MIGA2: variants seen among roughly 807,000 people sequenced by gnomAD.
MIGA2 encodes the protein mitoguardin 2.
In MIGA2, 36 loss-of-function variants were observed where a neutral mutation model predicts 69.9. The ratio of observed to expected loss-of-function variants is 0.52; its 90% CI spans 0.39 to 0.68. MIGA2 has a LOEUF of 0.68. Ranked by LOEUF, MIGA2 falls within the 30% of genes least tolerant of loss-of-function variation. The pLI, the probability that MIGA2 is intolerant of heterozygous loss-of-function variation, is 0.00. For missense variants in MIGA2, 660 were observed against 787.7 expected (o/e 0.84, Z 1.94); for synonymous variants, 333 against 349.2 (o/e 0.95, Z 0.52).
chr9:129,041,678 T>C (rs1329312660), intron 2 of MIGA2, among the ~76,000 whole-genome samples: 4 of 152,000 alleles, frequency 2.6e-5, no homozygotes, highest in African/African-American at 9.7e-5. Context: ...GTAAAAGGGG[T>C]CAGTGCCCTC....
chr9:129,047,357 G>C lies in MIGA2; in HGVS notation c.308-1070G>C, dbSNP rs370912669. ...GCCTCCCAAAGTGCTGGGATTACAG[G>C]TGTGAGCCACTGTGCCCGGCCCTGT... is the stretch of plus-strand genomic sequence containing the variant. On this transcript the variant is annotated intron_variant, in intron 3 of 15. Coordinates refer to ENST00000684074, the MANE Select transcript of MIGA2 (RefSeq NM_001329990.2). 3.3e-5 allele frequency: 5 copies of C among 150,144 alleles called. No individual in the cohort carries two copies. The East Asian group carries it at 9.9e-4, about 30-fold the overall frequency. The allele number at this position is 150,144 out of a possible 1,614,324, so 9.3% of individuals were successfully genotyped here.
rs1171413972 is a variant in MIGA2, at chr9:129,042,318, G to C, written c.111G>C (p.Gln37His). Residue 37 changes from glutamine to histidine, a missense_variant, in exon 3 of 16, where the codon CAG becomes CAC. By Grantham distance (24) the Gln-to-His change is conservative. Around this residue, in one of 3 missense-constraint regions of MIGA2, gnomAD observed 54 missense variants for 84.0 expected, o/e 0.64. Transcript: ENST00000684074. Reference sequence around the variant, plus strand: ...CTTCCCTGCAGTCTGCATTCTCCCAGCTACGGTTGACGCCAGGCCTGCGGA... The same window carrying C: ...CTTCCCTGCAGTCTGCATTCTCCCACCTACGGTTGACGCCAGGCCTGCGGA... ...YTTFGQSAFSQLRLTPGLRKV... is the reference protein window; with the variant it reads ...YTTFGQSAFSHLRLTPGLRKV... 1 of 1,612,350 alleles carries C rather than the reference G, an allele frequency of 6.2e-7. No individual in the cohort carries two copies.
In MIGA2 at chr9:129,042,483, C is replaced by A; in HGVS notation, c.276C>A (p.Leu92=). The A allele has an allele frequency of 1.3e-6, 2 of 1,592,640 alleles. No homozygotes were observed. The highest frequency in any genetic ancestry group is 1.1e-5 in the South Asian group (1 of 88,518). ...EQLGTVPLPI[L]LARKVPSVKK... ...TGGGCACGGTGCCCCTCCCTATCCT[C>A]TTGGCCAGGAAGGTCCCTTCAGTGA... The change falls in exon 3 of 16, where the codon CTC becomes CTA. Residue 92 remains leucine, a synonymous_variant. Transcript: ENST00000684074.
intron 11 of MIGA2, among the ~76,000 whole-genome samples, chr9:129,064,125 C>G (rs1846210785): frequency 6.6e-6 from 1 of 152,236 alleles, no homozygotes; most frequent in Non-Finnish European, 1.5e-5. Context: ...GCCTTCACAA[C>G]TTACATCACT....
intron 6 of MIGA2, among the ~76,000 whole-genome samples, chr9:129,053,425 G>A (rs150273881): frequency 0.035 from 5,312 of 151,142 alleles, 190 homozygotes; most frequent in South Asian, 0.098. Context: ...GTGCAGTGGC[G>A]CAATCTTGGC....
chr9:129,056,460 A>G (rs929545694), intron 6 of MIGA2, among the ~76,000 whole-genome samples: 1 of 152,122 alleles, frequency 6.6e-6, no homozygotes, highest in Non-Finnish European at 1.5e-5. Context: ...ACGTCACAGA[A>G]GACTGGCCCA....
chr9:129,056,569 A>T (rs1179485484), intron 6 of MIGA2, among the ~76,000 whole-genome samples: 1 of 151,682 alleles, frequency 6.6e-6, no homozygotes, highest in Non-Finnish European at 1.5e-5. Flanking sequence ...CCCAGGCTGA[A>T]GTGCAGTGGC....
chr9:129,036,834 G>A, intron 1 of MIGA2, 153 bp downstream of exon 1: 2 of 582,958 alleles, frequency 3.4e-6, no homozygotes, highest in Non-Finnish European at 2.2e-6. Context: ...GCCGGGGACG[G>A]TGCGAGAGGG....
At chr9:129,048,730 G>A (rs1845365693) in intron 4 of MIGA2, among the ~76,000 whole-genome samples, 191 bp downstream of exon 4, 1 of 152,210 alleles carries the variant, frequency 6.6e-6, no homozygotes, top group African/African-American at 2.4e-5. Context: ...AGAAAGGTGG[G>A]CTGGTGCAGA....
chr9:129,051,887 G>A (rs1845564853), intron 6 of MIGA2, among the ~76,000 whole-genome samples: 3 of 151,514 alleles, frequency 2.0e-5, no homozygotes. Context: ...GTCCAGTGGT[G>A]CGATCTCGAC....
At chr9:129,042,271 G>C in intron 2 of MIGA2, 33 bp from the exon 3 acceptor site, 1 of 1,606,464 alleles carries the variant, frequency 6.2e-7, no homozygotes, top group East Asian at 2.2e-5. Flanking sequence ...TCCCCAGGGA[G>C]GTGTAACCGG....
intron 6 of MIGA2, among the ~76,000 whole-genome samples, chr9:129,057,356 C>T (rs554471866): frequency 2.7e-5 from 4 of 147,950 alleles, no homozygotes; most frequent in South Asian, 4.3e-4. Context: ...CAGTGGCTCT[C>T]GATCTCGGCT....
chr9:129,048,381 G>T lies in MIGA2; in HGVS notation c.308-46G>T, dbSNP rs199921696. The T allele has an allele frequency of 5.2e-5, 78 of 1,492,420 alleles. No individual in the cohort carries two copies. In the Admixed American group the frequency reaches 5.3e-4, roughly 10 times the overall value. 92.4% of individuals were successfully genotyped at this position (1,492,420 alleles called of 1,614,324 possible). ...CAGAGTGGGGGCAGCCCGTGTAAAGGCCACAGGGGATGCCTGTGTGACGCC... is the reference window on the plus strand; with the variant it reads ...CAGAGTGGGGGCAGCCCGTGTAAAGTCCACAGGGGATGCCTGTGTGACGCC... On this transcript the variant is annotated intron_variant, in intron 3 of 15. Coordinates refer to ENST00000684074, the MANE Select transcript of MIGA2 (RefSeq NM_001329990.2).
At chr9:129,051,879 C>G (rs956957726) in intron 6 of MIGA2, among the ~76,000 whole-genome samples, 1 of 139,268 alleles carries the variant, frequency 7.2e-6, no homozygotes, top group East Asian at 2.2e-4. Flanking sequence ...AGGCTGGTGT[C>G]CAGTGGTGCG....
intron 3 of MIGA2, among the ~76,000 whole-genome samples, chr9:129,044,501 C>G (rs1030291794): frequency 1.9e-4 from 29 of 152,190 alleles, no homozygotes; most frequent in African/African-American, 6.7e-4. Flanking sequence ...CCGGTGTTTG[C>G]TGCATTGAAG....
rs573744921 is a variant in MIGA2 at position 129,053,893 on chromosome 9, A to G, written c.675+3930A>G. Reference sequence around the variant, plus strand: ...AGGCTGGAGTGCAGTGGCGTGACCAATTAGCTGGGTGTCATGGCATGTTCC... The same window carrying G: ...AGGCTGGAGTGCAGTGGCGTGACCAGTTAGCTGGGTGTCATGGCATGTTCC... On this transcript the variant is annotated intron_variant, in intron 6 of 15. Coordinates refer to ENST00000684074, the MANE Select transcript of MIGA2 (RefSeq NM_001329990.2). 4.1e-4 allele frequency among the ~76,000 whole-genome samples: 63 copies of G among 151,978 alleles called. 1 individual carries two copies. The highest frequency in any genetic ancestry group is 1.4e-3 in the African/African-American group (59 of 41,484).
intron 3 of MIGA2, among the ~76,000 whole-genome samples, chr9:129,047,757 TCTCACTCTGCTTCCCAGTC>T (rs1165905083): frequency 3.3e-5 from 5 of 151,702 alleles, no homozygotes; most frequent in African/African-American, 1.2e-4. Flanking sequence ...TGAGACAGGG[TCTCACTCTGCTTCCCAGTC>T]TGGAATGAAG....
chr9:129,037,434 CAGT>C (rs1441123278), intron 1 of MIGA2, among the ~76,000 whole-genome samples: 2 of 152,148 alleles, frequency 1.3e-5, no homozygotes, highest in Admixed American at 1.3e-4. Flanking sequence ...CCCTACACAG[CAGT>C]AGAAGTGTCC....
At chr9:129,063,432 G>A (rs1412565827) in intron 10 of MIGA2, 113 bp from the exon 11 acceptor site, 61 of 1,544,684 alleles carry the variant, frequency 3.9e-5, no homozygotes, top group Non-Finnish European at 5.0e-5. Context: ...TCCCACACTG[G>A]GCTCCTCTGT....
Sources: gnomAD v4.1 joint callset for allele counts (sites outside exome capture counted in the v4.1 genomes callset) on GRCh38, gnomAD v4.1.1 for gene constraint, gnomAD v4.1.1 regional missense constraint, MANE v1.5 for transcripts, NCBI Gene and HGNC (gene_info 2026-07-23, HGNC 2026-07-21) for gene names.